PIGN: variants seen among roughly 807,000 people sequenced by gnomAD.
PIGN encodes GPI ethanolamine phosphate transferase 1.
A neutral mutation model predicts 125.4 loss-of-function variants in PIGN; 117 were observed. The observed-to-expected ratio is 0.93, with a 90% confidence interval of 0.80 to 1.09. The LOEUF (loss-of-function observed/expected upper bound fraction) is 1.09. Ranked by LOEUF, PIGN falls within the 50% of genes least tolerant of loss-of-function variation. The pLI, the probability that PIGN is intolerant of heterozygous loss-of-function variation, is 0.00. For synonymous variants in PIGN, 392 were observed against 377.8 expected, an observed-to-expected ratio of 1.04 and a Z score of -0.44; for missense variants, 1,075 against 1,094.9, an observed-to-expected ratio of 0.98 and a Z score of 0.26.
intron 16 of PIGN, among the ~76,000 whole-genome samples, chr18:62,111,589 T>C (rs2034883309): frequency 6.6e-6 from 1 of 152,214 alleles, no homozygotes; most frequent in African/African-American, 2.4e-5. Context: ...TATGTGTACA[T>C]CTCTTACCTA....
chr18:62,032,421 G>A (rs893194849), intron 23 of PIGN, among the ~76,000 whole-genome samples: 10 of 152,210 alleles, frequency 6.6e-5, no homozygotes, highest in Admixed American at 6.5e-4. Flanking sequence ...ATGCTTCAAA[G>A]GTGAATGTCA....
At chr18:62,105,396 T>G in intron 20 of PIGN, 147 bp downstream of exon 20, 1 of 553,138 alleles carries the variant, frequency 1.8e-6, no homozygotes. Context: ...GCCAAAATCA[T>G]GACTAATGGT....
chr18:62,173,890 TA>T (rs1366198166), intron 1 of PIGN, among the ~76,000 whole-genome samples: 1 of 152,164 alleles, frequency 6.6e-6, no homozygotes, highest in African/African-American at 2.4e-5. Context: ...TGGCAAAAGC[TA>T]AAAAGCCTTC....
At chr18:62,087,457 C>A (rs577320356) in intron 25 of PIGN, among the ~76,000 whole-genome samples, 1 of 152,120 alleles carries the variant, frequency 6.6e-6, no homozygotes, top group East Asian at 1.9e-4. Flanking sequence ...TAGAGGTTTG[C>A]GGATATGGCA....
intron 27 of PIGN, among the ~76,000 whole-genome samples, chr18:62,083,963 A>G (rs1322560529): frequency 1.3e-5 from 2 of 152,194 alleles, no homozygotes; most frequent in African/African-American, 4.8e-5. Context: ...AAAATGTGTC[A>G]GGCATTATGG....
intron 30 of PIGN, among the ~76,000 whole-genome samples, chr18:62,048,567 C>T (rs1261399868): frequency 6.6e-6 from 1 of 151,216 alleles, no homozygotes; most frequent in African/African-American, 2.4e-5. Flanking sequence ...AACTGTCAAC[C>T]CAGAATCCAA....
chr18:62,111,910 T>C (rs1302881139), intron 16 of PIGN, among the ~76,000 whole-genome samples: 2 of 152,214 alleles, frequency 1.3e-5, no homozygotes, highest in African/African-American at 4.8e-5. Flanking sequence ...AACTATCAGC[T>C]ATGAAATCTT....
intron 30 of PIGN, among the ~76,000 whole-genome samples, chr18:62,058,511 T>C (rs1291270706): frequency 6.6e-6 from 1 of 152,226 alleles, no homozygotes; most frequent in African/African-American, 2.4e-5. Flanking sequence ...GCACTGCTCA[T>C]GAGACTAACT....
chr18:62,038,905 G>A (rs1010310462), downstream of PIGN, among the ~76,000 whole-genome samples: 23 of 150,944 alleles, frequency 1.5e-4, no homozygotes, highest in Non-Finnish European at 3.2e-4. Flanking sequence ...ACGACACAGT[G>A]AGACCCTGTC....
downstream of PIGN, among the ~76,000 whole-genome samples, chr18:62,036,415 T>C (rs2030261570): frequency 1.3e-5 from 2 of 152,112 alleles, no homozygotes; most frequent in Non-Finnish European, 2.9e-5. Flanking sequence ...CTGGGCATAT[T>C]TCTGACAAAC....
intron 23 of PIGN, among the ~76,000 whole-genome samples, chr18:62,023,747 A>G (rs1239112272): frequency 6.6e-6 from 1 of 152,238 alleles, no homozygotes; most frequent in Non-Finnish European, 1.5e-5. Flanking sequence ...AGAAGGCAAC[A>G]CAACTGCACA....
intron 14 of PIGN, among the ~76,000 whole-genome samples, chr18:62,124,886 A>G (rs1249977169): frequency 6.6e-6 from 1 of 152,182 alleles, no homozygotes; most frequent in Non-Finnish European, 1.5e-5. Flanking sequence ...AACTATAGAA[A>G]TACTTCTCTT....
At position 62,043,848 on chromosome 18, in the gene PIGN, G is replaced by A. The variant is rs145326201; in HGVS notation, c.*2008C>T. 1.2e-3 allele frequency: 177 copies of A among 152,196 alleles called. 2 individuals carry two copies. The highest frequency in any genetic ancestry group is 4.0e-3 in the African/African-American group (167 of 41,512). The allele number at this position is 152,196 out of a possible 1,614,324, so 9.4% of individuals were successfully genotyped here. A position where few individuals can be genotyped will look rare whatever the true frequency, so the allele number is the denominator to read the frequency against. ...ATTTAAACATTGTTAATCAGCAAATGTCCTAAGTCTTGATTCAGAAATCTA... is the reference window on the plus strand; with the variant it reads ...ATTTAAACATTGTTAATCAGCAAATATCCTAAGTCTTGATTCAGAAATCTA... On this transcript the variant is annotated 3_prime_UTR_variant, in exon 31 of 31. Coordinates refer to ENST00000640252, the MANE Select transcript of PIGN (RefSeq NM_176787.5).
intron 14 of PIGN, among the ~76,000 whole-genome samples, chr18:62,128,847 G>A (rs535762788): frequency 1.3e-5 from 2 of 152,114 alleles, no homozygotes; most frequent in African/African-American, 4.8e-5. Context: ...CATGAAAAAT[G>A]TAAGGCAAAA....
At chr18:62,023,973 T>A (rs1340645455) in intron 23 of PIGN, among the ~76,000 whole-genome samples, 9 of 152,206 alleles carry the variant, frequency 5.9e-5, no homozygotes, top group East Asian at 5.8e-4. Flanking sequence ...AAGGTGTTAT[T>A]TAACTAAAGC....
At chr18:62,122,689 T>C (rs1395436860) in intron 14 of PIGN, among the ~76,000 whole-genome samples, 1 of 152,206 alleles carries the variant, frequency 6.6e-6, no homozygotes, top group Non-Finnish European at 1.5e-5. Context: ...TTAGTTACTC[T>C]TACTTGTGAA....
chr18:62,080,230 C>T (rs2033382822), intron 28 of PIGN, among the ~76,000 whole-genome samples: 1 of 152,126 alleles, frequency 6.6e-6, no homozygotes, highest in Non-Finnish European at 1.5e-5. Context: ...AAAATCATCC[C>T]TTTCAGATCT....
Position 62,102,858 on chromosome 18 carries a change from AC to A in PIGN, c.1903del (p.Val635Ter). 1 of 1,588,578 alleles carries A rather than the reference AC, an allele frequency of 6.3e-7. No individual in the cohort carries two copies. The highest frequency in any genetic ancestry group is 8.6e-7 in the Non-Finnish European group (1 of 1,166,228). ...LLVLLLSLCV[V>X]TSLMKRKDSF... ...ATCTTTTCTTTTCATGAGAGATGTT[AC>A]AACACACAGGGATAACAGAAGAACC... On this transcript the variant is annotated frameshift_variant, in exon 21 of 31. Transcript: ENST00000640252. LOFTEE classifies it high-confidence loss of function.
chr18:62,084,433 GGA>G, intron 27 of PIGN, 96 bp downstream of exon 27: 1 of 732,080 alleles, frequency 1.4e-6, no homozygotes, highest in Non-Finnish European at 2.2e-6. Context: ...AACTCTGAAA[GGA>G]TATCTTCTTT....
Sources: allele counts gnomAD v4.1 joint callset (sites outside exome capture counted in the v4.1 genomes callset), GRCh38; gene constraint gnomAD v4.1.1; transcripts MANE v1.5; gene names NCBI Gene and HGNC (gene_info 2026-07-23, HGNC 2026-07-21).